TSPAN18: variants seen among roughly 807,000 people sequenced by gnomAD.
TSPAN18 encodes tetraspanin 18, also known as tetraspanin-18.
TSPAN18 carries 14 observed loss-of-function variants against 27.3 expected under a neutral mutation model. The ratio of observed to expected loss-of-function variants is 0.51; its 90% confidence interval spans 0.34 to 0.80. The LOEUF is 0.80. TSPAN18 is among the 30% of genes least tolerant of loss of function. TSPAN18 has a pLI of 0.01. For synonymous variants in TSPAN18, 143 were observed against 136.5 expected, an observed-to-expected ratio of 1.05 and a Z score of -0.33; for missense variants, 268 against 323.9, an observed-to-expected ratio of 0.83 and a Z score of 1.32.
intron 3 of TSPAN18, among the ~76,000 whole-genome samples, chr11:44,879,609 A>G (rs1858434774): frequency 6.6e-6 from 1 of 152,224 alleles, no homozygotes; most frequent in African/African-American, 2.4e-5. Flanking sequence ...TGTGCTTGCC[A>G]TGGTGGAAAA....
intron 2 of TSPAN18, among the ~76,000 whole-genome samples, chr11:44,856,505 C>G (rs79347506): frequency 0.011 from 1,629 of 152,196 alleles, 25 homozygotes; most frequent in African/African-American, 0.029. Context: ...TCCCTGGGGC[C>G]TCTCACTCCT....
At chr11:44,773,611 C>T (rs1396728167) in intron 2 of TSPAN18, among the ~76,000 whole-genome samples, 1 of 152,120 alleles carries the variant, frequency 6.6e-6, no homozygotes, top group Non-Finnish European at 1.5e-5. Context: ...TTGTTGCCAG[C>T]TCCCTGGAAG....
intron 2 of TSPAN18, among the ~76,000 whole-genome samples, chr11:44,765,611 C>T (rs1855551712): frequency 1.3e-5 from 2 of 152,166 alleles, no homozygotes; most frequent in Admixed American, 1.3e-4. Flanking sequence ...AAAACCAGGC[C>T]TCAGAGAAGT....
intron 3 of TSPAN18, among the ~76,000 whole-genome samples, chr11:44,891,295 G>C (rs1858842896): frequency 6.6e-6 from 1 of 152,350 alleles, no homozygotes; most frequent in South Asian, 2.1e-4. Context: ...GGATGGGAGA[G>C]ATCCTTGCTA....
intron 8 of TSPAN18, among the ~76,000 whole-genome samples, chr11:44,924,029 G>A (rs1346004884): frequency 1.3e-5 from 2 of 152,098 alleles, no homozygotes; most frequent in East Asian, 3.9e-4. Context: ...GTTTCCCCGG[G>A]TGAGGCATGT....
chr11:44,777,115 A>G (rs1412214018), intron 2 of TSPAN18, among the ~76,000 whole-genome samples: 3 of 152,216 alleles, frequency 2.0e-5, no homozygotes, highest in Non-Finnish European at 2.9e-5. Context: ...CTGCCCTGCC[A>G]TGGCCCCTGA....
At chr11:44,903,107 T>C (rs932825178) in intron 3 of TSPAN18, among the ~76,000 whole-genome samples, 1 of 151,706 alleles carries the variant, frequency 6.6e-6, no homozygotes, top group African/African-American at 2.4e-5. Context: ...GATGTTATGG[T>C]ATATATTTTG....
chr11:44,848,615 A>G (rs557923808), intron 2 of TSPAN18, among the ~76,000 whole-genome samples: 10 of 152,318 alleles, frequency 6.6e-5, no homozygotes, highest in African/African-American at 2.4e-4. Flanking sequence ...GAAGGGAGCC[A>G]GTGTCAACAG....
intron 3 of TSPAN18, among the ~76,000 whole-genome samples, chr11:44,887,290 G>A (rs1248009810): frequency 6.6e-6 from 1 of 152,166 alleles, no homozygotes; most frequent in Non-Finnish European, 1.5e-5. Context: ...ACTTGATAGG[G>A]ACATTGCAAG....
At chr11:44,896,573 G>A (rs1859061238) in intron 3 of TSPAN18, among the ~76,000 whole-genome samples, 1 of 152,122 alleles carries the variant, frequency 6.6e-6, no homozygotes, top group Non-Finnish European at 1.5e-5. Context: ...CCAGCTCCCG[G>A]GGCTGTGGCC....
At chr11:44,761,312 C>T (rs1379051159) in intron 1 of TSPAN18, among the ~76,000 whole-genome samples, 1 of 152,148 alleles carries the variant, frequency 6.6e-6, no homozygotes, top group Non-Finnish European at 1.5e-5. Flanking sequence ...CTGCTCTTAG[C>T]CCTAAACCTT....
intron 2 of TSPAN18, among the ~76,000 whole-genome samples, chr11:44,765,575 A>G (rs1458754149): frequency 3.3e-5 from 5 of 152,140 alleles, no homozygotes; most frequent in African/African-American, 7.2e-5. Context: ...TCTTGCCACT[A>G]TGATCACCTC....
intron 2 of TSPAN18, among the ~76,000 whole-genome samples, chr11:44,847,604 G>C (rs1210657347): frequency 6.6e-6 from 1 of 152,142 alleles, no homozygotes; most frequent in Non-Finnish European, 1.5e-5. Flanking sequence ...TTGTGTACCA[G>C]TATTTGTTTG....
chr11:44,898,905 C>T (rs1034328016), intron 3 of TSPAN18, among the ~76,000 whole-genome samples: 5 of 152,226 alleles, frequency 3.3e-5, no homozygotes, highest in African/African-American at 9.7e-5. Flanking sequence ...CATCCTTAAA[C>T]ACCTGGTTTT....
chr11:44,927,942 CCTCA>C (rs1035669750), intron 9 of TSPAN18, among the ~76,000 whole-genome samples: 51 of 152,290 alleles, frequency 3.3e-4, no homozygotes, highest in African/African-American at 1.1e-3. Context: ...TGATCTGCTG[CCTCA>C]CTCCCAGCCC....
chr11:44,923,270 C>T (rs898667279), intron 8 of TSPAN18, among the ~76,000 whole-genome samples: 2 of 152,080 alleles, frequency 1.3e-5, no homozygotes, highest in African/African-American at 4.8e-5. Flanking sequence ...CTGGCTGCCC[C>T]TCATCAGATT....
At chr11:44,743,166 C>T (rs1367477317) in intron 1 of TSPAN18, among the ~76,000 whole-genome samples, 4 of 152,110 alleles carry the variant, frequency 2.6e-5, no homozygotes, top group Admixed American at 6.5e-5. Context: ...ATGCAGTAGC[C>T]GGTGATGCAT....
chr11:44,783,421 C>T (rs914151684), intron 2 of TSPAN18, among the ~76,000 whole-genome samples: 2 of 148,882 alleles, frequency 1.3e-5, no homozygotes, highest in African/African-American at 5.0e-5. Context: ...TTTAGTGAGA[C>T]GGAGTCTCGC....
chr11:44,897,724 A>G, intron 3 of TSPAN18: 1 of 1,266,156 alleles, frequency 7.9e-7, no homozygotes, highest in Non-Finnish European at 1.0e-6. Context: ...TTCCTGTAGT[A>G]ATTGAATATT....
Sources: allele counts gnomAD v4.1 joint callset (sites outside exome capture counted in the v4.1 genomes callset), GRCh38; gene constraint gnomAD v4.1.1; transcripts MANE v1.5; gene names NCBI Gene and HGNC (gene_info 2026-07-23, HGNC 2026-07-21).